KTN1: variants seen among roughly 807,000 people sequenced by gnomAD.
KTN1 encodes the protein kinectin 1.
In KTN1, 130 loss-of-function variants were observed where a neutral mutation model predicts 222.5. The ratio of observed to expected loss-of-function variants is 0.58; its 90% confidence interval spans 0.51 to 0.68. The LOEUF (loss-of-function observed/expected upper bound fraction) is 0.68, where lower values mean the gene tolerates loss of function less well. Ranked by LOEUF, KTN1 falls within the 30% of genes least tolerant of loss-of-function variation. KTN1 has a pLI of 0.00. For missense variants in KTN1, 1,508 were observed against 1,500.4 expected (o/e 1.01, Z -0.08); for synonymous variants, 512 against 496.3 (o/e 1.03, Z -0.42).
intron 37 of KTN1, chr14:55,672,199 A>C: frequency 4.1e-6 from 1 of 241,208 alleles, no homozygotes; most frequent in East Asian, 9.3e-5. Flanking sequence ...ATAATATAGA[A>C]TTCAAGAAAA....
intron 13 of KTN1, 39 bp from the exon 14 acceptor site, chr14:55,639,874 G>C: frequency 7.9e-7 from 1 of 1,265,478 alleles, no homozygotes; most frequent in South Asian, 1.2e-5. Flanking sequence ...TGTGACTTCT[G>C]AATGTTTATT....
chr14:55,641,767 CT>C lies in KTN1; in HGVS notation c.2172+11del. The C allele has an allele frequency of 1.3e-6, 2 of 1,524,556 alleles. No individual in the cohort carries two copies. The highest frequency in any genetic ancestry group is 1.4e-5 in the African/African-American group (1 of 72,874). The allele number at this position is 1,524,556 out of a possible 1,614,324, so 94.4% of individuals were successfully genotyped here. A position where few individuals can be genotyped will look rare whatever the true frequency, so the allele number is the denominator to read the frequency against. ...GACTCTTGTTTCTGAACAGGTAAGG[CT>C]TTTCCTAAATTACAAAGTAGAAATA... On this transcript the variant is annotated splice_region_variant and intron_variant, in intron 18 of 43. Transcript: ENST00000395314.
chr14:55,634,640 A>G lies in KTN1; in HGVS notation c.1443A>G (p.Gln481=), dbSNP rs1216876523. Residue 481 remains glutamine (Q), a synonymous_variant, in exon 9 of 44, where the codon CAA becomes CAG. Transcript: ENST00000395314. ...QEEVQKKNAE[Q]AATQLKVQLQ... is the part of the protein sequence containing the mutation. ...AAGTCCAAAAGAAGAATGCTGAGCA[A>G]GCAGCTACTCAGTTGAAGGTGATAT... is the stretch of plus-strand genomic sequence containing the variant. 6.2e-7 allele frequency: 1 copy of G among 1,613,344 alleles called. No homozygotes were observed. Among genetic ancestry groups the G allele is most frequent in the Non-Finnish European group, 8.5e-7 (1 of 1,179,640 alleles).
rs1485532796 is a variant in KTN1, at chr14:55,612,259, A to T, written c.211A>T (p.Asn71Tyr). The change falls in exon 2 of 44, where the codon AAC (asparagine) becomes TAC (tyrosine). Residue 71 changes from asparagine (N) to tyrosine (Y), a missense_variant. Transcript: ENST00000395314. ...TAAAAAGAAAGAAATCCAGAATGGA[A>T]ACCTCCATGAATCCGACTCTGAGAG... Reference protein sequence around the residue: ...KNKKKEIQNGNLHESDSESVP... With the variant: ...KNKKKEIQNGYLHESDSESVP... 1.9e-6 allele frequency: 3 copies of T among 1,592,502 alleles called. No homozygotes were observed. Among genetic ancestry groups the T allele is most frequent in the Non-Finnish European group, 2.6e-6 (3 of 1,174,942 alleles).
chr14:55,651,689 C>G (rs942838812), intron 24 of KTN1: 2 of 529,688 alleles, frequency 3.8e-6, no homozygotes, highest in African/African-American at 1.9e-5. Flanking sequence ...TTCCTTGTCC[C>G]TCCCCCTTAT....
chr14:55,660,545 C>G (rs1187672053), intron 31 of KTN1, among the ~76,000 whole-genome samples: 1 of 151,980 alleles, frequency 6.6e-6, no homozygotes, highest in Non-Finnish European at 1.5e-5. Context: ...TGTAAGTGAT[C>G]TATCATTGGG....
At position 55,636,308 on chromosome 14, in the gene KTN1, T is replaced by C. The variant is rs958511782; in HGVS notation, c.1462-141T>C. 9.8e-6 allele frequency: 6 copies of C among 611,012 alleles called. No homozygotes were observed. The East Asian group carries it at 1.7e-4, about 18-fold the overall frequency. 37.8% of individuals were successfully genotyped at this position (611,012 alleles called of 1,614,324 possible). A position where few individuals can be genotyped will look rare whatever the true frequency, so the allele number is the denominator to read the frequency against. The stretch of plus-strand genomic sequence containing the variant: ...TTAGACTGTGTGTATCTGCTTGTCT[T>C]ATTGAAATGTAGGAGACTAGTTGCA... On this transcript the variant is annotated intron_variant, in intron 9 of 43. Coordinates refer to ENST00000395314, the MANE Select transcript of KTN1 (RefSeq NM_001079521.2).
At chr14:55,642,459 C>T (rs1174819014) in intron 18 of KTN1, among the ~76,000 whole-genome samples, 1 of 152,134 alleles carries the variant, frequency 6.6e-6, no homozygotes, top group East Asian at 1.9e-4. Context: ...TCTGCCTATT[C>T]CTCAGTGCTG....
At chr14:55,622,743 C>T (rs182197303) in intron 5 of KTN1, among the ~76,000 whole-genome samples, 1 of 152,210 alleles carries the variant, frequency 6.6e-6, no homozygotes, top group East Asian at 1.9e-4. Context: ...CCTCTTAGTC[C>T]TCTAATTTTG....
intron 43 of KTN1, chr14:55,680,764 T>C: frequency 8.0e-7 from 1 of 1,257,298 alleles, no homozygotes; most frequent in Non-Finnish European, 1.1e-6. Flanking sequence ...TAACATGACT[T>C]TCCATATAAT....
chr14:55,584,039 C>T (rs1294122377), intron 1 of KTN1, among the ~76,000 whole-genome samples: 1 of 152,202 alleles, frequency 6.6e-6, no homozygotes, highest in East Asian at 1.9e-4. Flanking sequence ...AGCCTCCTAA[C>T]TGATCTCCCT....
chr14:55,635,935 TG>T (rs1265085858), intron 9 of KTN1, among the ~76,000 whole-genome samples: 1 of 152,168 alleles, frequency 6.6e-6, no homozygotes, highest in Admixed American at 6.5e-5. Flanking sequence ...ATCTTGCTGG[TG>T]GGTTTACTAC....
At chr14:55,660,610 TAC>T (rs988103247) in intron 31 of KTN1, among the ~76,000 whole-genome samples, 18 of 152,164 alleles carry the variant, frequency 1.2e-4, no homozygotes, top group African/African-American at 3.9e-4. Flanking sequence ...TTGGTTGGTT[TAC>T]AGAGTTGCTT....
At position 55,653,033 on chromosome 14, in the gene KTN1, A is replaced by G; in HGVS notation, c.2711A>G (p.Asn904Ser). 1.9e-6 allele frequency: 3 copies of G among 1,606,112 alleles called. No homozygotes were observed. The highest frequency in any genetic ancestry group is 2.6e-6 in the Non-Finnish European group (3 of 1,173,186). The change falls in exon 27 of 44, where the codon AAT (asparagine) becomes AGT (serine). Residue 904 changes from asparagine (N) to serine (S), a missense_variant. Coordinates refer to ENST00000395314, the MANE Select transcript of KTN1 (RefSeq NM_001079521.2). ...CTTTTTAAGGATCTTCAAGAAGAAA[A>G]TGAATCTTTAAAAGCACATGTTCAG... Reference protein sequence around the residue: ...GKWLQDLQEENESLKAHVQEV... With the variant: ...GKWLQDLQEESESLKAHVQEV...
intron 16 of KTN1, 44 bp downstream of exon 16, chr14:55,641,014 T>C (rs1370201129): frequency 1.3e-6 from 2 of 1,546,504 alleles, no homozygotes; most frequent in Admixed American, 3.4e-5. Context: ...CATTTATGTT[T>C]AATTATAATT....
At chr14:55,619,153 C>A in intron 4 of KTN1, 29 bp from the exon 5 acceptor site, 1 of 1,573,910 alleles carries the variant, frequency 6.4e-7, no homozygotes, top group Non-Finnish European at 8.7e-7. Context: ...AATGCCAACT[C>A]TTTGTTTGTT....
At chr14:55,656,580 C>T (rs775713473) in intron 29 of KTN1, among the ~76,000 whole-genome samples, 2 of 152,030 alleles carry the variant, frequency 1.3e-5, no homozygotes, top group African/African-American at 2.4e-5. Flanking sequence ...TTCTCCTTGC[C>T]TTAGCCTCTA....
intron 1 of KTN1, among the ~76,000 whole-genome samples, chr14:55,599,177 GTTTT>G (rs1004388394): frequency 6.6e-6 from 1 of 151,860 alleles, no homozygotes; most frequent in Admixed American, 6.6e-5. Flanking sequence ...TAATTTTTCT[GTTTT>G]TTTATGAGTG....
chr14:55,582,907 T>C (rs1375649552), intron 1 of KTN1, among the ~76,000 whole-genome samples: 2 of 152,184 alleles, frequency 1.3e-5, no homozygotes, highest in East Asian at 3.8e-4. Flanking sequence ...ACTTAGAGGA[T>C]ACAAGCAAGT....
Sources: allele counts gnomAD v4.1 joint callset (sites outside exome capture counted in the v4.1 genomes callset), GRCh38; gene constraint gnomAD v4.1.1; transcripts MANE v1.5; gene names NCBI Gene and HGNC (gene_info 2026-07-23, HGNC 2026-07-21).